The following SIPA1L1 variants were observed in gnomAD, a reference collection of about 807,000 sequenced individuals.
SIPA1L1 encodes signal induced proliferation associated 1 like 1, also known as signal-induced proliferation-associated 1-like protein 1.
SIPA1L1 carries 26 observed loss-of-function variants against 162.7 expected under a neutral mutation model. The observed-to-expected ratio is 0.16, with a 90% confidence interval of 0.12 to 0.22. SIPA1L1 has a LOEUF of 0.22. Among genes scored for constraint, SIPA1L1 ranks in the 10% least tolerant of loss-of-function variants. The pLI, the probability that SIPA1L1 is intolerant of heterozygous loss-of-function variation, is 1.00. For missense variants in SIPA1L1, 1,874 were observed against 2,241.0 expected (o/e 0.84, Z 3.31); for synonymous variants, 829 against 837.4 (o/e 0.99, Z 0.17).
intron 5 of SIPA1L1, among the ~76,000 whole-genome samples, chr14:71,596,277 G>C (rs1024770544): frequency 6.6e-6 from 1 of 152,170 alleles, no homozygotes. Flanking sequence ...ACTCCTTGTT[G>C]GGGAGTAATA....
chr14:71,639,990 G>A (rs1289072813), intron 7 of SIPA1L1, among the ~76,000 whole-genome samples: 1 of 151,978 alleles, frequency 6.6e-6, no homozygotes, highest in Admixed American at 6.6e-5. Flanking sequence ...TGCAACCTCC[G>A]CCTCCCAGAT....
At chr14:71,514,799 C>T (rs192705341) in intron 3 of SIPA1L1, among the ~76,000 whole-genome samples, 3 of 152,268 alleles carry the variant, frequency 2.0e-5, no homozygotes, top group Admixed American at 1.3e-4. Context: ...AATAACTGTC[C>T]ACGTTAACAT....
chr14:71,629,339 T>C (rs186301719), intron 7 of SIPA1L1, among the ~76,000 whole-genome samples: 6 of 152,328 alleles, frequency 3.9e-5, no homozygotes, highest in Non-Finnish European at 7.3e-5. Context: ...ATACTATTAT[T>C]GTTCCTGTTT....
At chr14:71,542,880 T>C (rs1425484281) in intron 4 of SIPA1L1, among the ~76,000 whole-genome samples, 1 of 151,816 alleles carries the variant, frequency 6.6e-6, no homozygotes, top group East Asian at 1.9e-4. Flanking sequence ...CTCTGTGCCC[T>C]GCCCCTTCAT....
At chr14:71,663,178 C>T (rs1039909359) in intron 10 of SIPA1L1, among the ~76,000 whole-genome samples, 1 of 152,052 alleles carries the variant, frequency 6.6e-6, no homozygotes, top group African/African-American at 2.4e-5. Context: ...TGTTTTTGAC[C>T]AATTTATACA....
At chr14:71,517,778 G>A (rs929547544) in intron 3 of SIPA1L1, among the ~76,000 whole-genome samples, 1 of 152,016 alleles carries the variant, frequency 6.6e-6, no homozygotes, top group Non-Finnish European at 1.5e-5. Flanking sequence ...AGGAAACTGA[G>A]CATCATTTTT....
chr14:71,360,988 G>A (rs1370631930), intron 2 of SIPA1L1, among the ~76,000 whole-genome samples: 1 of 152,126 alleles, frequency 6.6e-6, no homozygotes, highest in African/African-American at 2.4e-5. Context: ...TTTTTGAAAA[G>A]AGAGATGATT....
intron 2 of SIPA1L1, among the ~76,000 whole-genome samples, chr14:71,440,889 G>A (rs2044795477): frequency 6.6e-6 from 1 of 152,040 alleles, no homozygotes; most frequent in African/African-American, 2.4e-5. Flanking sequence ...TGGTTTTGGG[G>A]TAGGTGAAGG....
chr14:71,360,916 G>A (rs2037745209), intron 2 of SIPA1L1, among the ~76,000 whole-genome samples: 1 of 152,104 alleles, frequency 6.6e-6, no homozygotes, highest in Non-Finnish European at 1.5e-5. Flanking sequence ...GCCATTCTTC[G>A]TAAGGGTAGT....
intron 2 of SIPA1L1, among the ~76,000 whole-genome samples, chr14:71,398,847 A>C (rs1459880436): frequency 6.6e-6 from 1 of 152,238 alleles, no homozygotes; most frequent in Non-Finnish European, 1.5e-5. Flanking sequence ...TTAGGTTGTG[A>C]ACTTTTCAAA....
rs1324970583 is a variant in SIPA1L1 at position 71,409,492 on chromosome 14, AT to A, written c.-465+88314del. 2.6e-5 allele frequency among the ~76,000 whole-genome samples: 4 copies of A among 152,256 alleles called. No homozygotes were observed. The East Asian group carries it at 7.7e-4, about 29-fold the overall frequency. On this transcript the variant is annotated intron_variant, in intron 2 of 23. Coordinates refer to ENST00000381232, the MANE Select transcript of SIPA1L1 (RefSeq NM_001386936.1). ...AAACATTGAAGTTAATGGGAGCCAG[AT>A]TTACTACTCTTACAGGGAAGGGAAA...
At chr14:71,418,252 C>T (rs2042944993) in intron 2 of SIPA1L1, 1 of 152,022 alleles carries the variant, frequency 6.6e-6, no homozygotes, top group Non-Finnish European at 1.5e-5. Context: ...TTTCTTAATA[C>T]CTGATTATTT....
At chr14:71,625,835 TAAAGG>T (rs780118966) in intron 7 of SIPA1L1, among the ~76,000 whole-genome samples, 4 of 152,238 alleles carry the variant, frequency 2.6e-5, no homozygotes, top group Non-Finnish European at 5.9e-5. Flanking sequence ...TTATTTTATG[TAAAGG>T]AGATAGTTAT....
chr14:71,340,286 G>A (rs1299526566), intron 2 of SIPA1L1, among the ~76,000 whole-genome samples: 1 of 151,730 alleles, frequency 6.6e-6, no homozygotes, highest in African/African-American at 2.4e-5. Flanking sequence ...ATTTCACAGA[G>A]TTGGTGTGTG....
chr14:71,718,407 C>G (rs1597199808), intron 17 of SIPA1L1, among the ~76,000 whole-genome samples: 1 of 152,214 alleles, frequency 6.6e-6, no homozygotes, highest in South Asian at 2.1e-4. Context: ...GCATTTCACA[C>G]CTGGGAGCTA....
intron 2 of SIPA1L1, among the ~76,000 whole-genome samples, chr14:71,480,008 G>A (rs1352382423): frequency 6.6e-6 from 1 of 152,056 alleles, no homozygotes; most frequent in Non-Finnish European, 1.5e-5. Context: ...AAAAATGCTG[G>A]GATTACAGGC....
chr14:71,626,186 C>A (rs2039965661), intron 7 of SIPA1L1, among the ~76,000 whole-genome samples: 1 of 152,082 alleles, frequency 6.6e-6, no homozygotes, highest in Non-Finnish European at 1.5e-5. Flanking sequence ...CTTTACTAGG[C>A]AAAATTAAAA....
chr14:71,436,043 A>C (rs935489228), intron 2 of SIPA1L1, among the ~76,000 whole-genome samples: 3 of 152,140 alleles, frequency 2.0e-5, no homozygotes, highest in Non-Finnish European at 2.9e-5. Context: ...TAGGTGAAAA[A>C]ATGGAATTTT....
At chr14:71,478,959 GAA>G (rs952906836) in intron 2 of SIPA1L1, among the ~76,000 whole-genome samples, 1 of 144,574 alleles carries the variant, frequency 6.9e-6, no homozygotes, top group African/African-American at 2.5e-5. Flanking sequence ...GAATTAAAAA[GAA>G]AAAAAAAAGG....
Sources: gnomAD v4.1 joint callset for allele counts (sites outside exome capture counted in the v4.1 genomes callset) on GRCh38, gnomAD v4.1.1 for gene constraint, MANE v1.5 for transcripts, NCBI Gene and HGNC (gene_info 2026-07-23, HGNC 2026-07-21) for gene names.